TCERG1L: variants seen among roughly 807,000 people sequenced by gnomAD.
TCERG1L encodes the protein transcription elongation regulator 1 like.
Under a neutral mutation model 56.3 loss-of-function variants are expected in TCERG1L, and 37 were observed. The observed-to-expected ratio is 0.66, with a 90% CI of 0.51 to 0.87. The LOEUF (loss-of-function observed/expected upper bound fraction) is 0.87. Among genes scored for constraint, TCERG1L ranks in the 40% least tolerant of loss-of-function variants. The pLI is 0.00. For synonymous variants in TCERG1L, 324 were observed against 326.3 expected (o/e 0.99, Z 0.08); for missense variants, 799 against 774.2 (o/e 1.03, Z -0.38).
chr10:131,135,205 C>T (rs979027008), intron 7 of TCERG1L, among the ~76,000 whole-genome samples: 1 of 152,226 alleles, frequency 6.6e-6, no homozygotes, highest in African/African-American at 2.4e-5. Context: ...TCTGTGTCTA[C>T]CTCTGGCTTA....
At position 131,098,364 on chromosome 10, in the gene TCERG1L, A is replaced by G. The variant is rs1313227840; in HGVS notation, c.1546T>C (p.Leu516=). The change falls in exon 11 of 12, where the codon TTG becomes CTG. Residue 516 remains leucine (L), a synonymous_variant. Coordinates refer to ENST00000368642, the MANE Select transcript of TCERG1L (RefSeq NM_174937.4). ...TTGAATTCTTCTTTGGCTAGCAGCA[A>G]TTTACTTTTCTTTTCCTTGTATTCT... ...KEEYKEKKSK[L]LLAKEEFKKL... 6 of 1,552,912 alleles carry G rather than the reference A, an allele frequency of 3.9e-6. No homozygotes were observed. The highest frequency in any genetic ancestry group is 5.2e-6 in the Non-Finnish European group (6 of 1,147,622).
At chr10:131,299,394 G>A (rs1282112921) in intron 3 of TCERG1L, among the ~76,000 whole-genome samples, 1 of 151,220 alleles carries the variant, frequency 6.6e-6, no homozygotes, top group Non-Finnish European at 1.5e-5. Context: ...CTTTTGGGTT[G>A]TTTATTATCA....
chr10:131,093,190 T>C lies in TCERG1L; in HGVS notation c.1733A>G (p.Asn578Ser). The change falls in exon 12 of 12, where the codon AAC becomes AGC. Residue 578 changes from asparagine to serine, a missense_variant. By Grantham distance (46) the Asn-to-Ser change is conservative. Coordinates refer to ENST00000368642, the MANE Select transcript of TCERG1L (RefSeq NM_174937.4). Reference sequence around the variant, plus strand: ...TCTCATTTTCCGCAGCCTTAGTCTGTTTTCCTTGTCCCGTTTCTTAAGAAT... The same window carrying C: ...TCTCATTTTCCGCAGCCTTAGTCTGCTTTCCTTGTCCCGTTTCTTAAGAAT... ...ILILKKRDKENRLRLRKMR is the reference protein window; with the variant it reads ...ILILKKRDKESRLRLRKMR 6.2e-7 allele frequency: 1 copy of C among 1,613,798 alleles called. No homozygotes were observed. Among genetic ancestry groups the C allele is most frequent in the Non-Finnish European group, 8.5e-7 (1 of 1,179,832 alleles).
At chr10:131,134,328 C>T (rs1845651317) in intron 8 of TCERG1L, 51 bp downstream of exon 8, 2 of 1,496,918 alleles carry the variant, frequency 1.3e-6, no homozygotes, top group East Asian at 4.8e-5. Flanking sequence ...TTCTACACCA[C>T]CTGAGTACAC....
In TCERG1L at chr10:131,166,786, C is replaced by G; in HGVS notation, c.945+11G>C. 6.2e-7 allele frequency: 1 copy of G among 1,613,890 alleles called. No individual in the cohort carries two copies. The highest frequency in any genetic ancestry group is 8.5e-7 in the Non-Finnish European group (1 of 1,179,838). ...TGTGTCTTTAACACACACACGAGCC[C>G]CGAAACTGACCTTGTCTTCTTTGTC... On this transcript the variant is annotated intron_variant, in intron 5 of 11. Coordinates refer to ENST00000368642, the MANE Select transcript of TCERG1L (RefSeq NM_174937.4).
intron 4 of TCERG1L, among the ~76,000 whole-genome samples, chr10:131,199,536 C>T (rs1029023880): frequency 6.6e-6 from 1 of 150,970 alleles, no homozygotes; most frequent in East Asian, 2.0e-4. Flanking sequence ...GTTTCCAATA[C>T]CTTGTTGCTG....
chr10:131,130,055 T>C (rs758026744), intron 8 of TCERG1L, among the ~76,000 whole-genome samples: 1 of 149,380 alleles, frequency 6.7e-6, no homozygotes, highest in Non-Finnish European at 1.5e-5. Flanking sequence ...TTCAGGCTGC[T>C]GATAAAGACA....
chr10:131,214,419 T>C (rs1281008497), intron 4 of TCERG1L, among the ~76,000 whole-genome samples: 1 of 152,176 alleles, frequency 6.6e-6, no homozygotes, highest in Non-Finnish European at 1.5e-5. Flanking sequence ...CGTCTTTAAC[T>C]CTTGATTAGC....
At chr10:131,190,205 C>A (rs1845289189) in intron 4 of TCERG1L, among the ~76,000 whole-genome samples, 1 of 152,124 alleles carries the variant, frequency 6.6e-6, no homozygotes, top group Admixed American at 6.5e-5. Context: ...AAACATACAA[C>A]CCTCTTAGAA....
chr10:131,153,911 G>C (rs1482728658), intron 6 of TCERG1L, among the ~76,000 whole-genome samples: 1 of 152,178 alleles, frequency 6.6e-6, no homozygotes, highest in East Asian at 1.9e-4. Flanking sequence ...GCATGGAGTT[G>C]AACCAGAGCG....
At chr10:131,176,273 C>T (rs202047777) in intron 4 of TCERG1L, among the ~76,000 whole-genome samples, 2 of 151,440 alleles carry the variant, frequency 1.3e-5, no homozygotes, top group Non-Finnish European at 1.5e-5. Context: ...CACACAGACA[C>T]GTGTACACAC....
At chr10:131,259,289 C>T (rs1178319575) in intron 4 of TCERG1L, among the ~76,000 whole-genome samples, 1 of 152,302 alleles carries the variant, frequency 6.6e-6, no homozygotes, top group South Asian at 2.1e-4. Context: ...GTGTCTATCA[C>T]AGTCTAGTGA....
intron 3 of TCERG1L, among the ~76,000 whole-genome samples, chr10:131,265,564 C>T (rs961866917): frequency 1.3e-5 from 2 of 152,154 alleles, no homozygotes; most frequent in African/African-American, 4.8e-5. Flanking sequence ...TCAGAGATAA[C>T]GTGGGTTCAG....
intron 8 of TCERG1L, among the ~76,000 whole-genome samples, chr10:131,120,101 G>C (rs571762938): frequency 6.6e-6 from 1 of 152,070 alleles, no homozygotes; most frequent in African/African-American, 2.4e-5. Context: ...CTCTTCTCCC[G>C]GTTCTGTCCC....
intron 4 of TCERG1L, among the ~76,000 whole-genome samples, chr10:131,203,937 G>GT (rs1845485200): frequency 6.6e-6 from 1 of 151,898 alleles, no homozygotes; most frequent in Non-Finnish European, 1.5e-5. Context: ...GCATGAATAC[G>GT]TGAGTCCCCA....
At chr10:131,307,441 G>T (rs2062756809) in intron 3 of TCERG1L, among the ~76,000 whole-genome samples, 1 of 152,168 alleles carries the variant, frequency 6.6e-6, no homozygotes, top group Non-Finnish European at 1.5e-5. Context: ...ATTGAGACAA[G>T]CTTGGTAGGT....
At chr10:131,153,192 C>T (rs1411316715) in intron 6 of TCERG1L, among the ~76,000 whole-genome samples, 3 of 152,118 alleles carry the variant, frequency 2.0e-5, no homozygotes, top group East Asian at 1.9e-4. Context: ...TGTGAGGACG[C>T]TGGGTGCATG....
At chr10:131,274,541 G>A (rs1246864383) in intron 3 of TCERG1L, among the ~76,000 whole-genome samples, 2 of 152,188 alleles carry the variant, frequency 1.3e-5, no homozygotes, top group African/African-American at 4.8e-5. Context: ...TCACAGGTCT[G>A]TGCACCAAGA....
intron 3 of TCERG1L, among the ~76,000 whole-genome samples, chr10:131,298,706 G>A (rs568611482): frequency 6.6e-5 from 10 of 152,316 alleles, no homozygotes; most frequent in South Asian, 6.2e-4. Context: ...GAGCCACGGC[G>A]TCCAGCCCTA....
Sources: allele counts gnomAD v4.1 joint callset (sites outside exome capture counted in the v4.1 genomes callset), GRCh38; gene constraint gnomAD v4.1.1; transcripts MANE v1.5; gene names NCBI Gene and HGNC (gene_info 2026-07-23, HGNC 2026-07-21).